The following A2M variants were observed in gnomAD, a reference collection of about 807,000 sequenced individuals.
The protein encoded by A2M is C3 and PZP-like alpha-2-macroglobulin domain-containing protein 5.
Under a neutral mutation model 183.9 loss-of-function variants are expected in A2M, and 128 were observed. That is an observed-to-expected ratio of 0.70 (90% confidence interval 0.60 to 0.81). The LOEUF (loss-of-function observed/expected upper bound fraction) is 0.81. A2M is among the 30% of genes least tolerant of loss of function. The pLI is 0.00. For synonymous variants in A2M, 592 were observed against 670.8 expected (o/e 0.88, Z 1.81); for missense variants, 1,495 against 1,787.6 (o/e 0.84, Z 2.95).
intron 16 of A2M, 70 bp downstream of exon 16, chr12:9,095,469 A>G (rs1949344611): frequency 6.8e-7 from 1 of 1,466,692 alleles, no homozygotes; most frequent in South Asian, 1.2e-5. Context: ...GCATTCAAAT[A>G]CAGACTCTTT....
At chr12:9,113,219 AATTTCT>A in intron 2 of A2M, 135 bp downstream of exon 2, 5 of 802,216 alleles carry the variant, frequency 6.2e-6, no homozygotes, top group Non-Finnish European at 9.5e-6. Flanking sequence ...ATTGCTCCTT[AATTTCT>A]ATACTTAGTT....
Position 9,068,808 on chromosome 12 carries a change from A to G in A2M, c.4298T>C (p.Val1433Ala). 6.2e-7 allele frequency: 1 copy of G among 1,607,784 alleles called. No homozygotes were observed. The highest frequency in any genetic ancestry group is 1.7e-5 in the Admixed American group (1 of 59,272). The change falls in exon 34 of 36, where the codon GTT (valine) becomes GCT (alanine). Residue 1433 changes from valine (V) to alanine (A), a missense_variant. Transcript: ENST00000318602. Reference protein sequence around the residue: ...SNQTLSLFFTVLQDVPVRDLK... With the variant: ...SNQTLSLFFTALQDVPVRDLK... ...ATCTCTTACTGGGACATCTTGCAGAACCGTGAAGAACAAGCTCAGTGTCTG... is the reference window on the plus strand; with the variant it reads ...ATCTCTTACTGGGACATCTTGCAGAGCCGTGAAGAACAAGCTCAGTGTCTG...
chr12:9,112,427 C>T lies in A2M; in HGVS notation c.380G>A (p.Ser127Asn), dbSNP rs1373964203. ...TTTGTCTGTCTGGACAAAGACCAGA[C>T]TGTCCTCGTTCTTAACCATCACTGT... ...RTTVMVKNEDSLVFVQTDKSI... is the reference protein window; with the variant it reads ...RTTVMVKNEDNLVFVQTDKSI... The change falls in exon 3 of 36, where the codon AGT (serine) becomes AAT (asparagine). Residue 127 changes from serine (S) to asparagine (N), a missense_variant. Ser to Asn is a conservative substitution (Grantham distance 46, BLOSUM62 1). Transcript: ENST00000318602. The T allele has an allele frequency of 6.8e-6, 11 of 1,613,928 alleles. No homozygotes were observed. Among genetic ancestry groups the T allele is most frequent in the Non-Finnish European group, 8.5e-6 (10 of 1,179,928 alleles).
intron 35 of A2M, 137 bp downstream of exon 35, chr12:9,068,046 G>A (rs1565573872): frequency 9.0e-7 from 1 of 1,112,238 alleles, no homozygotes; most frequent in Non-Finnish European, 1.3e-6. Context: ...CAATAAATGT[G>A]TTTTTCTATA....
At chr12:9,101,913 A>G (rs938218591) in intron 11 of A2M, among the ~76,000 whole-genome samples, 2 of 152,132 alleles carry the variant, frequency 1.3e-5, no homozygotes, top group African/African-American at 4.8e-5. Context: ...AAGAGCATAA[A>G]AGGAGGCATC....
Position 9,115,901 on chromosome 12 carries a change from C to CA in A2M, c.-53_-52insT. ...AACAGACTGTATTGTACCCTACTCC[C>CA]TACAATCCATCTGGTCCCAAACACT... On this transcript the variant is annotated 5_prime_UTR_variant, in exon 1 of 36. It adds an upstream start codon to the 5' untranslated region. Coordinates refer to ENST00000318602, the MANE Select transcript of A2M (RefSeq NM_000014.6). The CA allele has an allele frequency of 6.9e-7, 1 of 1,454,948 alleles. No homozygotes were observed. Among genetic ancestry groups the CA allele is most frequent in the East Asian group, 2.3e-5 (1 of 43,932 alleles). 90.1% of individuals were successfully genotyped at this position (1,454,948 alleles called of 1,614,324 possible). A position where few individuals can be genotyped will look rare whatever the true frequency, so the allele number is the denominator to read the frequency against.
At position 9,104,495 on chromosome 12, in the gene A2M, T is replaced by G. The variant is rs1246591281; in HGVS notation, c.1105-95A>C. The G allele has an allele frequency of 3.0e-6, 4 of 1,328,792 alleles. No individual in the cohort carries two copies. The African/African-American group carries it at 4.5e-5, about 15-fold the overall frequency. The allele number at this position is 1,328,792 out of a possible 1,614,324, so 82.3% of individuals were successfully genotyped here. A position where few individuals can be genotyped will look rare whatever the true frequency, so the allele number is the denominator to read the frequency against. Reference sequence around the variant, plus strand: ...ACATTTTTTAGTGCCTCCTCTATGTTGAACATGGTTCCAGGCACTGAGGAC... The same window carrying G: ...ACATTTTTTAGTGCCTCCTCTATGTGGAACATGGTTCCAGGCACTGAGGAC... On this transcript the variant is annotated intron_variant, in intron 10 of 35. Coordinates refer to ENST00000318602, the MANE Select transcript of A2M (RefSeq NM_000014.6).
rs972985226 is a variant in A2M at position 9,077,047 on chromosome 12, G to T, written c.3352-111C>A. 7.5e-6 allele frequency: 7 copies of T among 933,114 alleles called. No homozygotes were observed. In the Admixed American group the frequency reaches 1.3e-4, roughly 17 times the overall value. 57.8% of individuals were successfully genotyped at this position (933,114 alleles called of 1,614,324 possible). A position where few individuals can be genotyped will look rare whatever the true frequency, so the allele number is the denominator to read the frequency against. On this transcript the variant is annotated intron_variant, in intron 27 of 35. Coordinates refer to ENST00000318602, the MANE Select transcript of A2M (RefSeq NM_000014.6). ...AGTTTTTCAAACGCATTTTTCCAAC[G>T]ATTCCTCATTCTTATCAATAGATAT... is the stretch of plus-strand genomic sequence containing the variant.
In A2M at chr12:9,098,691, C is replaced by T. The variant is rs774548819; in HGVS notation, c.1767G>A (p.Ala589=). Residue 589 remains alanine (A), a synonymous_variant, in exon 15 of 36, where the codon GCG becomes GCA. Transcript: ENST00000318602. ...PASHAHLRVT[A]APQSVCALRA... The stretch of plus-strand genomic sequence containing the variant: ...GGAGGGCGCAGACGGACTGAGGAGC[C>T]GCTGTGACTCGCAGGTGGGCGTGTG... The T allele has an allele frequency of 6.2e-6, 10 of 1,612,074 alleles. No individual in the cohort carries two copies. In the East Asian group the frequency reaches 8.9e-5, roughly 14 times the overall value.
chr12:9,068,867 G>A (rs1266266776), intron 33 of A2M, 25 bp from the exon 34 acceptor site: 2 of 1,510,292 alleles, frequency 1.3e-6, no homozygotes, highest in African/African-American at 1.4e-5. Context: ...TCAATTAAAT[G>A]ACCTTTCAGG....
chr12:9,099,346 T>C (rs1000508048), intron 14 of A2M, 35 bp downstream of exon 14: 1 of 1,539,020 alleles, frequency 6.5e-7, no homozygotes, highest in African/African-American at 1.4e-5. Flanking sequence ...CTTCTAGTTT[T>C]ACATGTTGAA....
chr12:9,086,882 G>T (rs1949066856), intron 22 of A2M, among the ~76,000 whole-genome samples: 1 of 152,154 alleles, frequency 6.6e-6, no homozygotes, highest in East Asian at 1.9e-4. Flanking sequence ...TTATATATTG[G>T]AAGCTCAAAA....
In A2M at chr12:9,090,378, C is replaced by T; in HGVS notation, c.2574G>A (p.Trp858Ter). 6.2e-7 allele frequency: 1 copy of T among 1,613,946 alleles called. No homozygotes were observed. The highest frequency in any genetic ancestry group is 8.5e-7 in the Non-Finnish European group (1 of 1,179,878). ...CACCTAATGACTTTGGGGTTACTGC[C>T]CAGGACACAGTTTGCCGCCCGTTTG... is the stretch of plus-strand genomic sequence containing the variant. ...ICANGRQTVSWAVTPKSLGNV... is the reference protein window; with the variant it reads ...ICANGRQTVS Residue 858 changes from tryptophan (W) to a stop codon, truncating the protein, a stop_gained, in exon 20 of 36, where the codon TGG becomes TGA. Transcript: ENST00000318602. LOFTEE classifies it high-confidence loss of function.
chr12:9,112,749 A>C (rs148267422), intron 2 of A2M: 18 of 554,362 alleles, frequency 3.2e-5, no homozygotes, highest in African/African-American at 3.2e-4. Context: ...TCAGTAAGAG[A>C]GGTTGTAAGT....
At chr12:9,088,764 AGG>A (rs1310904173) in intron 22 of A2M, among the ~76,000 whole-genome samples, 2 of 152,192 alleles carry the variant, frequency 1.3e-5, no homozygotes, top group Non-Finnish European at 2.9e-5. Context: ...ATAATGGTAA[AGG>A]CCATGACAAC....
intron 17 of A2M, 39 bp downstream of exon 17, chr12:9,094,934 A>C (rs751260012): frequency 2.6e-6 from 3 of 1,145,746 alleles, no homozygotes; most frequent in Middle Eastern, 4.9e-4. Flanking sequence ...AATTTGGTGA[A>C]TATATTAGGC....
At chr12:9,078,204 C>T (rs1709786904) in intron 25 of A2M, among the ~76,000 whole-genome samples, 1 of 152,154 alleles carries the variant, frequency 6.6e-6, no homozygotes, top group Admixed American at 6.5e-5. Flanking sequence ...CCCACACCTC[C>T]CAACAGGCCC....
intron 1 of A2M, among the ~76,000 whole-genome samples, chr12:9,114,783 C>G (rs2138002036): frequency 6.6e-6 from 1 of 151,960 alleles, no homozygotes; most frequent in South Asian, 2.1e-4. Context: ...ACTTTAACTC[C>G]TCTTTTAAAT....
chr12:9,091,694 A>C (rs1949218907), intron 18 of A2M, among the ~76,000 whole-genome samples: 1 of 152,184 alleles, frequency 6.6e-6, no homozygotes, highest in South Asian at 2.1e-4. Flanking sequence ...ATTGTTCTTA[A>C]GTTCTCTTCT....
Sources: allele counts gnomAD v4.1 joint callset (sites outside exome capture counted in the v4.1 genomes callset), GRCh38; gene constraint gnomAD v4.1.1; transcripts MANE v1.5; gene names NCBI Gene and HGNC (gene_info 2026-07-23, HGNC 2026-07-21).